Variants in NUCB2 observed in about 807,000 individuals in gnomAD.
The protein encoded by NUCB2 is nucleobindin-2.
Under a neutral mutation model 57.9 loss-of-function variants are expected in NUCB2, and 48 were observed. The observed-to-expected ratio is 0.83, with a 90% CI of 0.66 to 1.05. The LOEUF (loss-of-function observed/expected upper bound fraction) is 1.05. Ranked by LOEUF, NUCB2 falls within the 50% of genes least tolerant of loss-of-function variation. The pLI, the probability that NUCB2 is intolerant of heterozygous loss-of-function variation, is 0.00. For missense variants in NUCB2, 442 were observed against 476.2 expected (o/e 0.93, Z 0.67); for synonymous variants, 139 against 152.1 (o/e 0.91, Z 0.64).
At chr11:17,309,429 G>C in intron 5 of NUCB2, 143 bp from the exon 6 acceptor site, 3 of 527,246 alleles carry the variant, frequency 5.7e-6, no homozygotes, top group Non-Finnish European at 9.8e-6. Flanking sequence ...TATTCATAAA[G>C]TAAATATAAG....
chr11:17,304,670 AT>A (rs1329376593), intron 5 of NUCB2, among the ~76,000 whole-genome samples: 1 of 152,226 alleles, frequency 6.6e-6, no homozygotes, highest in African/African-American at 2.4e-5. Flanking sequence ...CAATAGGAAA[AT>A]TATGGTAAAC....
chr11:17,288,940 CACACACACACATATATAT>C (rs1944397168), intron 2 of NUCB2, among the ~76,000 whole-genome samples: 2 of 81,570 alleles, frequency 2.5e-5, no homozygotes, highest in Non-Finnish European at 4.1e-5. Context: ...CACACACACA[CACACACACACATATATAT>C]ATATATTTTT....
intron 5 of NUCB2, among the ~76,000 whole-genome samples, chr11:17,306,231 T>C (rs1565418104): frequency 6.6e-6 from 1 of 152,142 alleles, no homozygotes; most frequent in Non-Finnish European, 1.5e-5. Context: ...TTTGTTGTCA[T>C]TAATAAACAT....
chr11:17,347,342 A>G (rs902710758), intron 2 of NUCB2, among the ~76,000 whole-genome samples: 2 of 152,188 alleles, frequency 1.3e-5, no homozygotes, highest in African/African-American at 4.8e-5. Flanking sequence ...AACAGGAGAC[A>G]GGTTTACCCT....
In NUCB2 at chr11:17,330,595, A is replaced by G. The variant is rs1032345914; in HGVS notation, c.1173+298A>G. ...GTGATCCTCCCACCTCAGCCTCCCC[A>G]GTAGCTAGGACTACAGGTGCATGCC... On this transcript the variant is annotated intron_variant, in intron 12 of 13. Transcript: ENST00000529010. This position sits in a 1 kb window ranked among gnomAD's most constrained non-coding sequence, Gnocchi z 4.3. 4.6e-5 allele frequency among the ~76,000 whole-genome samples: 7 copies of G among 152,238 alleles called. No individual in the cohort carries two copies. Among genetic ancestry groups the G allele is most frequent in the Admixed American group, 1.3e-4 (2 of 15,288 alleles).
At chr11:17,334,655 G>A (rs931789887), downstream of NUCB2, among the ~76,000 whole-genome samples, 5 of 152,212 alleles carry the variant, frequency 3.3e-5, no homozygotes, top group African/African-American at 9.6e-5. Flanking sequence ...GGAAGCCAAG[G>A]TGAGTGGATC....
intron 4 of NUCB2, 38 bp downstream of exon 4, chr11:17,296,249 T>A: frequency 7.6e-7 from 1 of 1,316,510 alleles, no homozygotes; most frequent in African/African-American, 1.5e-5. Context: ...ATATGTATCT[T>A]AATTTAAAAT....
At chr11:17,278,040 T>C (rs1005599442) in intron 1 of NUCB2, among the ~76,000 whole-genome samples, 2 of 152,218 alleles carry the variant, frequency 1.3e-5, no homozygotes, top group Admixed American at 6.5e-5. Flanking sequence ...TTCCATGATC[T>C]CATCTACCTT....
downstream of NUCB2, among the ~76,000 whole-genome samples, chr11:17,336,890 ATCTT>A (rs1034444521): frequency 5.9e-5 from 9 of 152,086 alleles, no homozygotes; most frequent in African/African-American, 2.2e-4. Context: ...TTAAATGCAA[ATCTT>A]TCTCAGGAAA....
Position 17,315,470 on chromosome 11 carries a change from TG to T in NUCB2, c.1000del (p.Glu334ArgfsTer3). ...EKKEFLEPDS[W>X]ETLDQQQFFT... is the part of the protein sequence containing the mutation. The stretch of plus-strand genomic sequence containing the variant: ...AAAAGAATTCTTGGAGCCAGATAGC[TG>T]GGAGGTAATAGAACCTACTCTAAAT... On this transcript the variant is annotated frameshift_variant, in exon 11 of 14. Coordinates refer to ENST00000529010, the MANE Select transcript of NUCB2 (RefSeq NM_005013.4). LOFTEE classifies it high-confidence loss of function. 1 of 1,598,592 alleles carries T rather than the reference TG, an allele frequency of 6.3e-7. No homozygotes were observed. The highest frequency in any genetic ancestry group is 8.6e-7 in the Non-Finnish European group (1 of 1,166,508).
intron 5 of NUCB2, among the ~76,000 whole-genome samples, chr11:17,302,323 A>C (rs559074820): frequency 6.6e-6 from 1 of 152,302 alleles, no homozygotes; most frequent in Admixed American, 6.5e-5. Flanking sequence ...TTTTAAATAG[A>C]TAATACATTT....
chr11:17,288,552 C>CTTT (rs1362783048), intron 2 of NUCB2, among the ~76,000 whole-genome samples: 13 of 101,184 alleles, frequency 1.3e-4, no homozygotes, highest in East Asian at 3.9e-4. Flanking sequence ...TCTTCTTCTT[C>CTTT]TTTTTTTTTT....
At chr11:17,294,251 A>C (rs1945426997) in intron 2 of NUCB2, among the ~76,000 whole-genome samples, 1 of 149,554 alleles carries the variant, frequency 6.7e-6, no homozygotes, top group Non-Finnish European at 1.5e-5. Context: ...ATACATAGGA[A>C]CCCCCTGGAA....
At chr11:17,348,319 G>GGTTTTTTTTTTTTTTTTTTTTTTTT (rs1952917777) in intron 2 of NUCB2, among the ~76,000 whole-genome samples, 2 of 84,450 alleles carry the variant, frequency 2.4e-5, no homozygotes, top group Admixed American at 1.6e-4. Context: ...TTGTTTTTGT[G>GGTTTTTTTTTTTTTTTTTTTTTTTT]TTTTTTTTTT....
Position 17,311,878 on chromosome 11 carries a change from A to G in NUCB2, c.767A>G (p.Asn256Ser), listed in dbSNP as rs748896954. Residue 256 changes from asparagine (N) to serine (S), a missense_variant, in exon 9 of 14, where the codon AAT becomes AGT. Asn to Ser is a conservative substitution (Grantham distance 46). Coordinates refer to ENST00000529010, the MANE Select transcript of NUCB2 (RefSeq NM_005013.4). ...PKTFFKLHDV[N>S]SDGFLDEQEL... Reference sequence around the variant, plus strand: ...TGTAACTTTTAAACTTTAGATGTCAATAGTGATGGATTCCTGGATGAACAA... The same window carrying G: ...TGTAACTTTTAAACTTTAGATGTCAGTAGTGATGGATTCCTGGATGAACAA... 5 of 1,586,996 alleles carry G rather than the reference A, an allele frequency of 3.2e-6. No individual in the cohort carries two copies. The highest frequency in any genetic ancestry group is 8.6e-7 in the Non-Finnish European group (1 of 1,163,606).
chr11:17,289,272 T>G (rs1046159142), intron 2 of NUCB2, among the ~76,000 whole-genome samples: 87 of 152,216 alleles, frequency 5.7e-4, no homozygotes, highest in African/African-American at 2.1e-3. Context: ...CATACCCTTT[T>G]GCTAGAGATT....
intron 1 of NUCB2, among the ~76,000 whole-genome samples, chr11:17,277,786 G>T (rs529565493): frequency 1.3e-5 from 2 of 152,122 alleles, no homozygotes; most frequent in African/African-American, 2.4e-5. Flanking sequence ...GGGAGATTGT[G>T]GACTTTCCCT....
At chr11:17,298,159 G>T (rs1946140702) in intron 4 of NUCB2, among the ~76,000 whole-genome samples, 1 of 151,398 alleles carries the variant, frequency 6.6e-6, no homozygotes, top group African/African-American at 2.4e-5. Context: ...GCAAGAGGAT[G>T]GCTTCTAGCC....
chr11:17,305,793 CT>C (rs907767088), intron 5 of NUCB2, among the ~76,000 whole-genome samples: 9 of 146,712 alleles, frequency 6.1e-5, no homozygotes, highest in Admixed American at 6.9e-5. Flanking sequence ...GGCTAATTTT[CT>C]TTTTTTTTTG....
Sources: allele counts gnomAD v4.1 joint callset (sites outside exome capture counted in the v4.1 genomes callset), GRCh38; gene constraint gnomAD v4.1.1; non-coding constraint Gnocchi (gnomAD v3.1); transcripts MANE v1.5; gene names NCBI Gene and HGNC (gene_info 2026-07-23, HGNC 2026-07-21).